The following RGS7 variants were observed in gnomAD, a reference collection of about 807,000 sequenced individuals.
RGS7 encodes the protein regulator of G-protein signaling 7.
Under a neutral mutation model 81.1 loss-of-function variants are expected in RGS7, and 27 were observed. The observed-to-expected ratio is 0.33, with a 90% CI of 0.25 to 0.46. RGS7 has a LOEUF of 0.46. Among genes scored for constraint, RGS7 ranks in the 20% least tolerant of loss-of-function variants. The pLI, the probability that RGS7 is intolerant of heterozygous loss-of-function variation, is 1.00. For missense variants in RGS7, 396 were observed against 607.4 expected (o/e 0.65, Z 3.66); for synonymous variants, 208 against 207.7 (o/e 1.00, Z -0.01).
chr1:241,064,040 G>A (rs973854765), intron 3 of RGS7, among the ~76,000 whole-genome samples: 3 of 151,812 alleles, frequency 2.0e-5, no homozygotes, highest in Non-Finnish European at 2.9e-5. Context: ...AAAATTAGCC[G>A]GGCATGGTGG....
At chr1:241,147,785 T>TATATATATATAA (rs2068437056) in intron 2 of RGS7, among the ~76,000 whole-genome samples, 1 of 103,084 alleles carries the variant, frequency 9.7e-6, no homozygotes, top group Admixed American at 9.1e-5. Context: ...AAGTTTTATA[T>TATATATATATAA]ATATATATAT....
chr1:241,192,729 A>G (rs1384766503), intron 2 of RGS7, among the ~76,000 whole-genome samples: 1 of 152,178 alleles, frequency 6.6e-6, no homozygotes, highest in Admixed American at 6.6e-5. Flanking sequence ...AGAAGAAAAC[A>G]GAAAATCAGG....
chr1:240,809,843 T>G lies in RGS7; in HGVS notation c.1082+2075A>C, dbSNP rs1305529144. ...ATATGATAGGCAATATAGTAGATAC[T>G]CAAGAAATATATGTATATGTGTGTA... On this transcript the variant is annotated intron_variant, in intron 14 of 18. Transcript: ENST00000440928. Among the ~76,000 whole-genome samples, 10 of 152,264 alleles carry G rather than the reference T, an allele frequency of 6.6e-5. 1 individual carries two copies. The highest frequency in any genetic ancestry group is 5.9e-4 in the Admixed American group (9 of 15,276).
At chr1:241,170,348 A>G (rs1430390255) in intron 2 of RGS7, among the ~76,000 whole-genome samples, 1 of 152,174 alleles carries the variant, frequency 6.6e-6, no homozygotes. Context: ...AAAATTAAAA[A>G]AATACATATT....
At chr1:240,863,392 T>C (rs931603186) in intron 9 of RGS7, among the ~76,000 whole-genome samples, 1 of 152,096 alleles carries the variant, frequency 6.6e-6, no homozygotes, top group Non-Finnish European at 1.5e-5. Flanking sequence ...GGAGAATTGC[T>C]TGAACCGGGG....
At chr1:241,106,051 G>A (rs371666857) in intron 2 of RGS7, among the ~76,000 whole-genome samples, 3 of 152,092 alleles carry the variant, frequency 2.0e-5, no homozygotes, top group Admixed American at 6.5e-5. Flanking sequence ...ATTTAAATTC[G>A]CCTATAACTC....
At chr1:241,175,822 G>T (rs1185937290) in intron 2 of RGS7, among the ~76,000 whole-genome samples, 1 of 152,178 alleles carries the variant, frequency 6.6e-6, no homozygotes, top group Non-Finnish European at 1.5e-5. Context: ...AAAAGGAACA[G>T]CTACAATCAA....
At chr1:240,865,622 G>C (rs572795045) in intron 9 of RGS7, among the ~76,000 whole-genome samples, 62 of 152,306 alleles carry the variant, frequency 4.1e-4, no homozygotes, top group Middle Eastern at 3.4e-3. Context: ...CTGAGCTATA[G>C]AAATACCTAT....
intron 3 of RGS7, among the ~76,000 whole-genome samples, chr1:241,085,085 T>G (rs2063354886): frequency 6.6e-6 from 1 of 152,206 alleles, no homozygotes; most frequent in Admixed American, 6.5e-5. Flanking sequence ...ACCTACATCA[T>G]TACAAGGAAT....
intron 4 of RGS7, among the ~76,000 whole-genome samples, chr1:240,973,675 C>T (rs1459376719): frequency 2.0e-5 from 3 of 152,044 alleles, no homozygotes; most frequent in South Asian, 4.2e-4. Context: ...CTGCAAGCTC[C>T]GCCTTCTGGG....
intron 2 of RGS7, among the ~76,000 whole-genome samples, chr1:241,189,930 C>G (rs185771618): frequency 6.6e-6 from 1 of 151,554 alleles, no homozygotes; most frequent in Admixed American, 6.6e-5. Context: ...GGTGAAACCC[C>G]GTCTCTACTA....
At chr1:241,064,409 G>A (rs1435570842) in intron 3 of RGS7, among the ~76,000 whole-genome samples, 3 of 132,146 alleles carry the variant, frequency 2.3e-5, no homozygotes, top group Admixed American at 8.1e-5. Context: ...AAGATAGAGA[G>A]ACCCAGTCTC....
At chr1:241,115,364 C>T (rs1182687800) in intron 2 of RGS7, among the ~76,000 whole-genome samples, 1 of 152,134 alleles carries the variant, frequency 6.6e-6, no homozygotes, top group East Asian at 1.9e-4. Flanking sequence ...AATTAACCTC[C>T]CACCACATCA....
chr1:240,831,642 T>C (rs1357694572), intron 9 of RGS7, among the ~76,000 whole-genome samples: 1 of 151,260 alleles, frequency 6.6e-6, no homozygotes, highest in East Asian at 1.9e-4. Context: ...TTTTTTTTTT[T>C]TTTTTTTCCT....
intron 4 of RGS7, among the ~76,000 whole-genome samples, chr1:240,942,398 G>A (rs930189192): frequency 1.3e-5 from 2 of 152,142 alleles, no homozygotes; most frequent in Non-Finnish European, 2.9e-5. Context: ...TCAACTTCTT[G>A]CAGCCTCCTC....
intron 2 of RGS7, among the ~76,000 whole-genome samples, chr1:241,223,485 T>A (rs1223943261): frequency 6.6e-6 from 1 of 152,086 alleles, no homozygotes; most frequent in African/African-American, 2.4e-5. Flanking sequence ...TAAAATTGTG[T>A]TCAGAGAGGA....
At chr1:240,858,994 T>C (rs1345030559) in intron 9 of RGS7, among the ~76,000 whole-genome samples, 1 of 152,184 alleles carries the variant, frequency 6.6e-6, no homozygotes, top group Non-Finnish European at 1.5e-5. Flanking sequence ...GGGGTAATGC[T>C]AGCCTCATAG....
chr1:241,301,191 G>A (rs937780818), intron 2 of RGS7, among the ~76,000 whole-genome samples: 1 of 152,200 alleles, frequency 6.6e-6, no homozygotes, highest in African/African-American at 2.4e-5. Flanking sequence ...CTACCCTGCA[G>A]AGCTACTATT....
At chr1:241,019,024 G>T (rs1490833204) in intron 3 of RGS7, among the ~76,000 whole-genome samples, 18 of 152,120 alleles carry the variant, frequency 1.2e-4, no homozygotes, top group Admixed American at 6.5e-5. Context: ...GCCATGAGGG[G>T]ATTTTTCTCA....
Sources: allele counts gnomAD v4.1 joint callset (sites outside exome capture counted in the v4.1 genomes callset), GRCh38; gene constraint gnomAD v4.1.1; transcripts MANE v1.5; gene names NCBI Gene and HGNC (gene_info 2026-07-23, HGNC 2026-07-21).